The following GRSF1 variants were observed in gnomAD, a reference collection of about 807,000 sequenced individuals.
GRSF1 encodes G-rich RNA sequence binding factor 1, also known as G-rich sequence factor 1.
Under a neutral mutation model 51.1 loss-of-function variants are expected in GRSF1, and 50 were observed. That is an observed-to-expected ratio of 0.98 (90% confidence interval 0.78 to 1.24). GRSF1 has a LOEUF of 1.24. GRSF1 is among the 50% of genes most tolerant of loss of function. The pLI is 0.00. For missense variants in GRSF1, 700 were observed against 639.7 expected (o/e 1.09, Z -1.02); for synonymous variants, 293 against 253.3 (o/e 1.16, Z -1.49).
intron 3 of GRSF1, among the ~76,000 whole-genome samples, chr4:70,832,886 T>G (rs1476616821): frequency 6.6e-6 from 1 of 152,190 alleles, no homozygotes; most frequent in African/African-American, 2.4e-5. Context: ...AGGCAGAGGT[T>G]GCAGTGAGCT....
At position 70,839,503 on chromosome 4, in the gene GRSF1, C is replaced by A; in HGVS notation, c.325G>T (p.Ala109Ser). Residue 109 changes from alanine (A) to serine (S), a missense_variant, in exon 1 of 10, where the codon GCG (alanine) becomes TCG (serine). Ala to Ser is a moderately conservative substitution (Grantham distance 99). Transcript: ENST00000254799. ...TAGCTGCGCGTCGGGACGGCGGCCG[C>A]CGCCGCCAGCGACTGCGGCAGCAGA... ...ASLLPQSLAA[A>S]AAVPTRSYSQ... 7.0e-7 allele frequency: 1 copy of A among 1,424,962 alleles called. No homozygotes were observed. 88.3% of individuals were successfully genotyped at this position (1,424,962 alleles called of 1,614,324 possible). A position where few individuals can be genotyped will look rare whatever the true frequency, so the allele number is the denominator to read the frequency against.
intron 1 of GRSF1, among the ~76,000 whole-genome samples, chr4:70,837,063 C>T (rs1274641386): frequency 6.6e-6 from 1 of 152,136 alleles, no homozygotes; most frequent in Non-Finnish European, 1.5e-5. Flanking sequence ...GGTAAATCAA[C>T]AAGACAGCAG....
intron 5 of GRSF1, 92 bp downstream of exon 5, chr4:70,831,447 T>C: frequency 2.6e-6 from 3 of 1,152,996 alleles, no homozygotes; most frequent in Admixed American, 2.3e-5. Context: ...TACTTTTCTA[T>C]GTTTGGATAA....
Position 70,831,586 on chromosome 4 carries a change from T to G in GRSF1, c.903A>C (p.Glu301Asp). ...GEAYVQFEEP[E>D]MANQALLKHR... ...GTTTCAACAGGGCTTGGTTGGCCAT[T>G]TCTGGTTCTTCAAATTGCACATAGG... The change falls in exon 5 of 10, where the codon GAA becomes GAC. Residue 301 changes from glutamate to aspartate, a missense_variant. Glu to Asp is a conservative substitution (Grantham distance 45, BLOSUM62 2). Transcript: ENST00000254799. 2 of 1,613,856 alleles carry G rather than the reference T, an allele frequency of 1.2e-6. No individual in the cohort carries two copies. Among genetic ancestry groups the G allele is most frequent in the African/African-American group, 2.7e-5 (2 of 75,064 alleles).
rs1284703022 is a variant in GRSF1, at chr4:70,818,214, T to G, written c.*2673A>C. On this transcript the variant is annotated 3_prime_UTR_variant, in exon 10 of 10. Coordinates refer to ENST00000254799, the MANE Select transcript of GRSF1 (RefSeq NM_002092.4). ...CCACACCTGGCTAATTTTTGCATTT[T>G]CAGTAGAGCCGGAGTTTCACTAAGT... The G allele has an allele frequency of 6.6e-6, 1 of 152,174 alleles. No individual in the cohort carries two copies. The highest frequency in any genetic ancestry group is 1.5e-5 in the Non-Finnish European group (1 of 68,046). The allele number at this position is 152,174 out of a possible 1,614,324, so 9.4% of individuals were successfully genotyped here. A position where few individuals can be genotyped will look rare whatever the true frequency, so the allele number is the denominator to read the frequency against.
chr4:70,836,467 T>C (rs1309777890), intron 1 of GRSF1, among the ~76,000 whole-genome samples, 153 bp from the exon 2 acceptor site: 1 of 152,272 alleles, frequency 6.6e-6, no homozygotes, highest in Non-Finnish European at 1.5e-5. Context: ...CATCCTGTTT[T>C]GGCTTAAATT....
rs1293662022 is a variant in GRSF1 at position 70,839,753 on chromosome 4, G to C, written c.75C>G (p.Thr25=). 48 of 1,503,736 alleles carry C rather than the reference G, an allele frequency of 3.2e-5. No individual in the cohort carries two copies. The highest frequency in any genetic ancestry group is 4.6e-4 in the Middle Eastern group (2 of 4,330). 93.1% of individuals were successfully genotyped at this position (1,503,736 alleles called of 1,614,324 possible). The change falls in exon 1 of 10, where the codon ACC becomes ACG. Residue 25 remains threonine (T), a synonymous_variant. Coordinates refer to ENST00000254799, the MANE Select transcript of GRSF1 (RefSeq NM_002092.4). ...AGTAGAAGGGCAGGCAGGCGGCGCC[G>C]GTGCGCCGGCAGCTGCTGCAGTTAC... is the stretch of plus-strand genomic sequence containing the variant. ...CGCNCSSCRR[T]GAACLPFYSA...
At chr4:70,842,096 G>A (rs1287559399), upstream of GRSF1, among the ~76,000 whole-genome samples, 1 of 152,230 alleles carries the variant, frequency 6.6e-6, no homozygotes, top group Non-Finnish European at 1.5e-5. Context: ...CTAGAGGCTA[G>A]GCCCAGGACC....
intron 1 of GRSF1, among the ~76,000 whole-genome samples, chr4:70,838,219 C>A (rs1167672055): frequency 3.9e-3 from 373 of 94,570 alleles, no homozygotes; most frequent in Middle Eastern, 7.0e-3. Context: ...ACTCGGTCTC[C>A]AAAAAAAAAA....
intron 1 of GRSF1, 181 bp downstream of exon 1, chr4:70,839,290 A>T (rs1734359242): frequency 2.0e-6 from 3 of 1,498,220 alleles, no homozygotes; most frequent in African/African-American, 2.8e-5. Flanking sequence ...GACGCCTGGG[A>T]GAGCTTCCCT....
chr4:70,823,422 A>C (rs990945938), intron 9 of GRSF1, among the ~76,000 whole-genome samples: 1 of 151,578 alleles, frequency 6.6e-6, no homozygotes, highest in African/African-American at 2.4e-5. Flanking sequence ...AATAAATAAA[A>C]TAAAATTTAA....
At chr4:70,833,008 G>A (rs1357033131) in intron 3 of GRSF1, 110 bp downstream of exon 3, 3 of 905,376 alleles carry the variant, frequency 3.3e-6, no homozygotes, top group Non-Finnish European at 3.4e-6. Context: ...ATAAAAGAAT[G>A]CATTCATACA....
In GRSF1 at chr4:70,839,734, A is replaced by AGGGC. The variant is rs1483557955; in HGVS notation, c.90_93dup (p.Phe32AlafsTer104). 1.1e-5 allele frequency: 16 copies of AGGGC among 1,501,288 alleles called. No individual in the cohort carries two copies. The highest frequency in any genetic ancestry group is 1.4e-5 in the Non-Finnish European group (16 of 1,132,878). 93.0% of individuals were successfully genotyped at this position (1,501,288 alleles called of 1,614,324 possible). Reference sequence around the variant, plus strand: ...GGGATAGAGCCAGCGGCGGAGTAGAAGGGCAGGCAGGCGGCGCCGGTGCGC... The same window carrying AGGGC: ...GGGATAGAGCCAGCGGCGGAGTAGAAGGGCGGGCAGGCAGGCGGCGCCGGTGCGC... On this transcript the variant is annotated frameshift_variant, in exon 1 of 10. Transcript: ENST00000254799. LOFTEE classifies it high-confidence loss of function.
chr4:70,829,789 A>G (rs534920526), intron 5 of GRSF1, among the ~76,000 whole-genome samples: 11 of 152,306 alleles, frequency 7.2e-5, no homozygotes, highest in Non-Finnish European at 1.5e-4. Flanking sequence ...TGGGTGACAG[A>G]GCAAGATCCT....
At chr4:70,830,630 C>A (rs193227406) in intron 5 of GRSF1, among the ~76,000 whole-genome samples, 43 of 151,984 alleles carry the variant, frequency 2.8e-4, no homozygotes, top group African/African-American at 8.9e-4. Context: ...ACCAGCCTGG[C>A]CAACATGGTA....
chr4:70,826,353 A>G, intron 6 of GRSF1, 108 bp from the exon 7 acceptor site: 1 of 879,086 alleles, frequency 1.1e-6, no homozygotes, highest in Non-Finnish European at 1.7e-6. Context: ...TCCTCTTAAG[A>G]GCATTAAAAG....
rs769850292 is a variant in GRSF1 at position 70,819,174 on chromosome 4, A to G, written c.*1713T>C. 2.0e-5 allele frequency: 3 copies of G among 152,174 alleles called. No homozygotes were observed. The highest frequency in any genetic ancestry group is 2.9e-5 in the Non-Finnish European group (2 of 68,042). The allele number at this position is 152,174 out of a possible 1,614,324, so 9.4% of individuals were successfully genotyped here. ...GCATTCTTTTTCCAGAGATGTGCAAATAAAACTCATTAGCTTAAATCAATT... is the reference window on the plus strand; with the variant it reads ...GCATTCTTTTTCCAGAGATGTGCAAGTAAAACTCATTAGCTTAAATCAATT... On this transcript the variant is annotated 3_prime_UTR_variant, in exon 10 of 10. Coordinates refer to ENST00000254799, the MANE Select transcript of GRSF1 (RefSeq NM_002092.4).
rs1408449419 is a variant in GRSF1 at position 70,819,692 on chromosome 4, T to A, written c.*1195A>T. On this transcript the variant is annotated 3_prime_UTR_variant, in exon 10 of 10. Coordinates refer to ENST00000254799, the MANE Select transcript of GRSF1 (RefSeq NM_002092.4). ...CAAATTTAATTTTAAGAACTAGAACTGCATCTCCTGGTGGCAGTCGTCACC... is the reference window on the plus strand; with the variant it reads ...CAAATTTAATTTTAAGAACTAGAACAGCATCTCCTGGTGGCAGTCGTCACC... The A allele has an allele frequency of 6.6e-6, 1 of 152,602 alleles. No individual in the cohort carries two copies. 9.5% of individuals were successfully genotyped at this position (152,602 alleles called of 1,614,324 possible). A position where few individuals can be genotyped will look rare whatever the true frequency, so the allele number is the denominator to read the frequency against.
chr4:70,826,536 G>GA (rs538242968), intron 6 of GRSF1, among the ~76,000 whole-genome samples: 2,899 of 135,024 alleles, frequency 0.021, 81 homozygotes, highest in African/African-American at 0.054. Flanking sequence ...TATAGGCACT[G>GA]AAAAAAAAAA....
Sources: allele counts gnomAD v4.1 joint callset (sites outside exome capture counted in the v4.1 genomes callset), GRCh38; gene constraint gnomAD v4.1.1; transcripts MANE v1.5; gene names NCBI Gene and HGNC (gene_info 2026-07-23, HGNC 2026-07-21).